Variants in AP4S1 observed in about 807,000 individuals in gnomAD.
The protein encoded by AP4S1 is adaptor related protein complex 4 subunit sigma 1.
In AP4S1, 23 loss-of-function variants were observed where a neutral mutation model predicts 19.8. The ratio of observed to expected loss-of-function variants is 1.16; its 90% CI spans 0.84 to 1.65. AP4S1 has a LOEUF of 1.65. Among genes scored for constraint, AP4S1 ranks in the 40% most tolerant of loss-of-function variants. The pLI is 0.00. For missense variants in AP4S1, 166 were observed against 172.8 expected (o/e 0.96, Z 0.22); for synonymous variants, 46 against 54.1 (o/e 0.85, Z 0.66).
At chr14:31,071,439 G>A (rs1161413063) in intron 3 of AP4S1, among the ~76,000 whole-genome samples, 4 of 151,948 alleles carry the variant, frequency 2.6e-5, no homozygotes, top group Admixed American at 2.0e-4. Context: ...AGATTCTTTT[G>A]GAGATGGAAT....
At chr14:31,037,745 C>T (rs926961899) in intron 1 of AP4S1, among the ~76,000 whole-genome samples, 1 of 152,054 alleles carries the variant, frequency 6.6e-6, no homozygotes, top group East Asian at 1.9e-4. Context: ...AGCCCAGGAG[C>T]TCAGACCAGC....
intron 5 of AP4S1, among the ~76,000 whole-genome samples, chr14:31,081,443 C>A (rs1292117665): frequency 6.6e-6 from 1 of 152,116 alleles, no homozygotes; most frequent in Non-Finnish European, 1.5e-5. Flanking sequence ...AATCACAATA[C>A]CCAAGGACCC....
chr14:31,051,186 G>A (rs1282267226), intron 1 of AP4S1, among the ~76,000 whole-genome samples: 2 of 151,486 alleles, frequency 1.3e-5, no homozygotes, highest in Admixed American at 6.6e-5. Flanking sequence ...AGCCCAGGGA[G>A]TCAAGGCTGC....
intron 4 of AP4S1, among the ~76,000 whole-genome samples, chr14:31,073,356 G>T (rs151317155): frequency 3.8e-5 from 5 of 131,784 alleles, no homozygotes; most frequent in African/African-American, 2.6e-5. Context: ...TGGGCGTGGT[G>T]GTGGGCGCCT....
At chr14:31,068,361 A>G (rs897673372) in intron 2 of AP4S1, among the ~76,000 whole-genome samples, 8 of 152,232 alleles carry the variant, frequency 5.3e-5, no homozygotes, top group Non-Finnish European at 1.2e-4. Flanking sequence ...TAAATCATCA[A>G]ATATTAAACC....
chr14:31,080,321 T>C (rs914885476), intron 4 of AP4S1, among the ~76,000 whole-genome samples: 1 of 152,238 alleles, frequency 6.6e-6, no homozygotes, highest in African/African-American at 2.4e-5. Context: ...AGTTAGTTTC[T>C]TTTTCCCTCT....
intron 1 of AP4S1, among the ~76,000 whole-genome samples, chr14:31,035,941 A>G (rs945610425): frequency 2.0e-5 from 3 of 152,146 alleles, no homozygotes; most frequent in South Asian, 4.1e-4. Flanking sequence ...CATGTTAGCC[A>G]GGATGGTCTC....
intron 1 of AP4S1, among the ~76,000 whole-genome samples, chr14:31,046,419 A>G (rs956345044): frequency 3.3e-5 from 5 of 152,148 alleles, no homozygotes; most frequent in African/African-American, 1.2e-4. Flanking sequence ...TCTTTCACTT[A>G]TTATTTTTAA....
intron 1 of AP4S1, among the ~76,000 whole-genome samples, chr14:31,060,754 A>G (rs1886393254): frequency 6.6e-6 from 1 of 152,164 alleles, no homozygotes; most frequent in Non-Finnish European, 1.5e-5. Context: ...TTAGTCCAAG[A>G]ACCACTCATT....
At chr14:31,032,073 A>C (rs1318309970) in intron 1 of AP4S1, among the ~76,000 whole-genome samples, 2 of 62,082 alleles carry the variant, frequency 3.2e-5, no homozygotes, top group Admixed American at 1.9e-4. Context: ...CCTTGTCCCA[A>C]AAAAAAAAAA....
In AP4S1 at chr14:31,053,589, C is replaced by CTTTTTTT. The variant is rs758966011; in HGVS notation, c.-71-12514_-71-12508dup. On this transcript the variant is annotated intron_variant, in intron 1 of 5. Coordinates refer to ENST00000542754, the MANE Select transcript of AP4S1 (RefSeq NM_001128126.3). ...AACACATCTTTTTAGTGACTTTTTT[C>CTTTTTTT]TTTTTTTTTTTTTTTTTTTTTTTTT... Among the ~76,000 whole-genome samples, 629 of 71,312 alleles carry CTTTTTTT rather than the reference C, an allele frequency of 8.8e-3. 1 individual carries two copies. The highest frequency in any genetic ancestry group is 0.018 in the East Asian group (36 of 2,002). 46.8% of individuals were successfully genotyped at this position (71,312 alleles called of 152,430 possible).
At chr14:31,070,006 A>AT (rs1176095958) in intron 3 of AP4S1, 77 bp downstream of exon 3, 63 of 1,292,426 alleles carry the variant, frequency 4.9e-5, no homozygotes, top group Non-Finnish European at 5.6e-5. Context: ...GACTCTCTTG[A>AT]TTTTTTTTAG....
chr14:31,093,165 T>A lies in AP4S1; in HGVS notation c.*130T>A, dbSNP rs1594721424. The A allele has an allele frequency of 1.1e-6, 1 of 879,172 alleles. No homozygotes were observed. The highest frequency in any genetic ancestry group is 1.6e-6 in the Non-Finnish European group (1 of 611,876). The allele number at this position is 879,172 out of a possible 1,614,324, so 54.5% of individuals were successfully genotyped here. A position where few individuals can be genotyped will look rare whatever the true frequency, so the allele number is the denominator to read the frequency against. On this transcript the variant is annotated 3_prime_UTR_variant, in exon 6 of 6. Coordinates refer to ENST00000542754, the MANE Select transcript of AP4S1 (RefSeq NM_001128126.3). ...ATGGGGTATCCTTCCAAAGACATTATAAATAGGCATTTTCCACAGTTCCTA... is the reference window on the plus strand; with the variant it reads ...ATGGGGTATCCTTCCAAAGACATTAAAAATAGGCATTTTCCACAGTTCCTA...
intron 5 of AP4S1, among the ~76,000 whole-genome samples, chr14:31,091,882 TTAAG>T (rs1328269917): frequency 3.9e-5 from 6 of 152,218 alleles, no homozygotes; most frequent in African/African-American, 1.4e-4. Flanking sequence ...ATCATGCTCT[TTAAG>T]TAGACAGAGA....
intron 1 of AP4S1, among the ~76,000 whole-genome samples, chr14:31,038,894 A>G (rs1238010485): frequency 6.6e-6 from 1 of 152,136 alleles, no homozygotes; most frequent in Non-Finnish European, 1.5e-5. Flanking sequence ...AGTGAGTAAT[A>G]CTGCCTTTCA....
rs1234206517 is a variant in AP4S1, at chr14:31,093,307, G to A, written c.*272G>A. 3 of 267,426 alleles carry A rather than the reference G, an allele frequency of 1.1e-5. No homozygotes were observed. Among genetic ancestry groups the A allele is most frequent in the Admixed American group, 5.7e-5 (1 of 17,476 alleles). The allele number at this position is 267,426 out of a possible 1,614,324, so 16.6% of individuals were successfully genotyped here. A position where few individuals can be genotyped will look rare whatever the true frequency, so the allele number is the denominator to read the frequency against. The stretch of plus-strand genomic sequence containing the variant: ...TCTGTCGCACTTTAAATTCTGTTGA[G>A]CACCTAAGGAACCCTTCTTGGTCTA... On this transcript the variant is annotated 3_prime_UTR_variant, in exon 6 of 6. Transcript: ENST00000542754.
At chr14:31,046,472 A>G (rs569502925) in intron 1 of AP4S1, among the ~76,000 whole-genome samples, 2 of 152,230 alleles carry the variant, frequency 1.3e-5, no homozygotes, top group African/African-American at 4.8e-5. Context: ...ATAGTTTTCT[A>G]CTGTATGGAT....
chr14:31,076,805 T>C (rs574801963), intron 4 of AP4S1, among the ~76,000 whole-genome samples: 1 of 152,364 alleles, frequency 6.6e-6, no homozygotes, highest in African/African-American at 2.4e-5. Context: ...TGTAGCTTTG[T>C]ATCAAGTTCG....
intron 1 of AP4S1, among the ~76,000 whole-genome samples, chr14:31,046,800 C>T (rs1428251383): frequency 6.8e-6 from 1 of 146,992 alleles, no homozygotes; most frequent in East Asian, 2.0e-4. Context: ...GAGCCGAGAT[C>T]GTACCACTGC....
Sources: allele counts gnomAD v4.1 joint callset (sites outside exome capture counted in the v4.1 genomes callset), GRCh38; gene constraint gnomAD v4.1.1; transcripts MANE v1.5; gene names NCBI Gene and HGNC (gene_info 2026-07-23, HGNC 2026-07-21).